IQSEC1: variants seen among roughly 807,000 people sequenced by gnomAD.
IQSEC1 encodes IQ motif and Sec7 domain ArfGEF 1.
A neutral mutation model predicts 91.0 loss-of-function variants in IQSEC1; 31 were observed. That is an observed-to-expected ratio of 0.34 (90% confidence interval 0.26 to 0.46). The LOEUF is 0.46. Ranked by LOEUF, IQSEC1 falls within the 20% of genes least tolerant of loss-of-function variation. The pLI is 1.00. For missense variants in IQSEC1, 1,388 were observed against 1,575.6 expected (o/e 0.88, Z 2.02); for synonymous variants, 699 against 662.6 (o/e 1.05, Z -0.84).
chr3:13,245,953 C>T (rs1409402093), intron 1 of IQSEC1, among the ~76,000 whole-genome samples: 3 of 152,064 alleles, frequency 2.0e-5, no homozygotes, highest in African/African-American at 7.2e-5. Context: ...TATCATGGAC[C>T]TGAACTTCCA....
intron 3 of IQSEC1, among the ~76,000 whole-genome samples, chr3:12,934,103 C>G (rs533338507): frequency 6.6e-6 from 1 of 152,288 alleles, no homozygotes; most frequent in Admixed American, 6.5e-5. Flanking sequence ...GTCAGGTGGG[C>G]CAGCAGGATG....
At chr3:13,069,842 C>T (rs114110843) in intron 1 of IQSEC1, among the ~76,000 whole-genome samples, 1,971 of 152,350 alleles carry the variant, frequency 0.013, 41 homozygotes, top group African/African-American at 0.043. Flanking sequence ...GCTGCCAGTA[C>T]AGCAATGACC....
At chr3:13,200,132 C>T (rs570787774) in intron 1 of IQSEC1, among the ~76,000 whole-genome samples, 2 of 151,098 alleles carry the variant, frequency 1.3e-5, no homozygotes, top group East Asian at 3.9e-4. Context: ...ACAGACTACT[C>T]ACATATGCCA....
chr3:13,074,141 AAAG>A (rs1340957628), upstream of IQSEC1, among the ~76,000 whole-genome samples: 2 of 152,172 alleles, frequency 1.3e-5, no homozygotes, highest in African/African-American at 2.4e-5. Flanking sequence ...ATCAGGATGA[AAAG>A]AGAGCAGGAA....
At chr3:13,182,678 A>G (rs1052960521) in intron 1 of IQSEC1, among the ~76,000 whole-genome samples, 1 of 152,252 alleles carries the variant, frequency 6.6e-6, no homozygotes, top group African/African-American at 2.4e-5. Context: ...TAGAAATTAG[A>G]TAATCACTTC....
chr3:12,923,026 G>A (rs1696780223), intron 4 of IQSEC1, among the ~76,000 whole-genome samples: 1 of 152,118 alleles, frequency 6.6e-6, no homozygotes, highest in South Asian at 2.1e-4. Context: ...CTCCACATGG[G>A]GGCGATGCAG....
chr3:12,902,195 G>A (rs1694389683), intron 13 of IQSEC1, among the ~76,000 whole-genome samples: 1 of 152,174 alleles, frequency 6.6e-6, no homozygotes, highest in South Asian at 2.1e-4. Context: ...ATGGCCGGAG[G>A]ATGAGTGAAA....
intron 9 of IQSEC1, among the ~76,000 whole-genome samples, chr3:12,912,678 A>G (rs2125101576): frequency 6.6e-6 from 1 of 151,234 alleles, no homozygotes; most frequent in East Asian, 2.0e-4. Flanking sequence ...CTCAAAAAAA[A>G]AAAAAAAAAA....
intron 1 of IQSEC1, among the ~76,000 whole-genome samples, chr3:13,274,266 C>T (rs1274456339): frequency 1.2e-4 from 19 of 152,144 alleles, no homozygotes; most frequent in Non-Finnish European, 2.2e-4. Context: ...CTCACCTGAG[C>T]GCTGAGGCCA....
chr3:13,178,850 A>G (rs1693784854), intron 1 of IQSEC1, among the ~76,000 whole-genome samples: 1 of 152,260 alleles, frequency 6.6e-6, no homozygotes, highest in Non-Finnish European at 1.5e-5. Context: ...TTATAAACAT[A>G]GAAACTGACC....
At chr3:13,257,024 T>C (rs1357791788) in intron 1 of IQSEC1, among the ~76,000 whole-genome samples, 1 of 152,188 alleles carries the variant, frequency 6.6e-6, no homozygotes, top group East Asian at 1.9e-4. Context: ...CAGTTTTCCC[T>C]TTTGTAAAAA....
chr3:12,981,484 T>C (rs1701457904), intron 1 of IQSEC1, among the ~76,000 whole-genome samples: 1 of 152,116 alleles, frequency 6.6e-6, no homozygotes, highest in African/African-American at 2.4e-5. Context: ...GCTGGGGGAC[T>C]AGTGTTGTTT....
chr3:13,185,161 G>C (rs1360565805), intron 1 of IQSEC1, among the ~76,000 whole-genome samples: 2 of 152,164 alleles, frequency 1.3e-5, no homozygotes, highest in Non-Finnish European at 2.9e-5. Context: ...AACAAATCCT[G>C]GTCCTGCTGT....
In IQSEC1 at chr3:12,937,654, T is replaced by C. The variant is rs371062895; in HGVS notation, c.319-957A>G. Among the ~76,000 whole-genome samples the C allele has an allele frequency of 4.3e-4, 65 of 152,342 alleles. 2 individuals are homozygous for C. In the South Asian group the frequency reaches 0.013, roughly 31 times the overall value. On this transcript the variant is annotated intron_variant, in intron 2 of 13. Coordinates refer to ENST00000613206, the MANE Select transcript of IQSEC1 (RefSeq NM_001134382.3). ...TGGGGTAGTGCTGGGACCTGCCTCCTATGACTGTGGTGAGCCTGGGAGACA... is the reference window on the plus strand; with the variant it reads ...TGGGGTAGTGCTGGGACCTGCCTCCCATGACTGTGGTGAGCCTGGGAGACA...
chr3:12,983,753 C>T lies in IQSEC1; in HGVS notation c.24-41888G>A, dbSNP rs753485973. On this transcript the variant is annotated intron_variant, in intron 1 of 13. Transcript: ENST00000613206. This position sits in a 1 kb window ranked among gnomAD's most constrained non-coding sequence, Gnocchi z 4.3. ...CCCTTTCCCTCTCCCCTCTGGACAG[C>T]TCCGTGAGGATAAGAATAAGGTTGT... is the stretch of plus-strand genomic sequence containing the variant. Among the ~76,000 whole-genome samples the T allele has an allele frequency of 1.3e-4, 20 of 152,178 alleles. No homozygotes were observed. The highest frequency in any genetic ancestry group is 6.5e-4 in the Admixed American group (10 of 15,278).
At chr3:13,094,414 C>T (rs188208480) in intron 2 of IQSEC1, among the ~76,000 whole-genome samples, 2 of 152,322 alleles carry the variant, frequency 1.3e-5, no homozygotes, top group Admixed American at 1.3e-4. Flanking sequence ...GAAGTCCCAT[C>T]CCTGCTCTAG....
At chr3:13,155,061 C>T (rs554666000) in intron 2 of IQSEC1, among the ~76,000 whole-genome samples, 1 of 152,224 alleles carries the variant, frequency 6.6e-6, no homozygotes, top group East Asian at 1.9e-4. Flanking sequence ...AATAACTTTA[C>T]AACTTAAGGA....
chr3:13,145,814 G>GGT (rs1553568932), intron 2 of IQSEC1, among the ~76,000 whole-genome samples: 1 of 132,492 alleles, frequency 7.5e-6, no homozygotes, highest in Non-Finnish European at 1.7e-5. Context: ...CGGGGGGGGG[G>GGT]GGTCCTGATC....
chr3:13,128,467 T>G (rs1706554010), intron 2 of IQSEC1, among the ~76,000 whole-genome samples: 1 of 152,234 alleles, frequency 6.6e-6, no homozygotes, highest in African/African-American at 2.4e-5. Flanking sequence ...GTTACATTAA[T>G]TTTAAATACT....
Sources: allele counts gnomAD v4.1 joint callset (sites outside exome capture counted in the v4.1 genomes callset), GRCh38; gene constraint gnomAD v4.1.1; non-coding constraint Gnocchi (gnomAD v3.1); transcripts MANE v1.5; gene names NCBI Gene and HGNC (gene_info 2026-07-23, HGNC 2026-07-21).